NXPH1: variants seen among roughly 807,000 people sequenced by gnomAD.
NXPH1 encodes neurexophilin-1.
NXPH1 carries 5 observed loss-of-function variants against 23.7 expected under a neutral mutation model. The ratio of observed to expected loss-of-function variants is 0.21; its 90% confidence interval spans 0.11 to 0.44. The LOEUF is 0.44. NXPH1 is among the 20% of genes least tolerant of loss of function. The pLI is 0.99. For synonymous variants in NXPH1, 144 were observed against 122.2 expected (o/e 1.18, Z -1.18); for missense variants, 324 against 321.6 (o/e 1.01, Z -0.06).
In NXPH1 at chr7:8,461,843, A is replaced by AAAAAAAAAGAAAAAAG. The variant is rs1816702336; in HGVS notation, c.54+26087_54+26088insAAAAGAAAAAAAAGAA. The stretch of plus-strand genomic sequence containing the variant: ...CAGAGCGAGACTCCGTCTCAAAAAA[A>AAAAAAAAAGAAAAAAG]AAAAAAAAGAATAAACACACAAGTG... On this transcript the variant is annotated intron_variant, in intron 2 of 2. Coordinates refer to ENST00000405863, the MANE Select transcript of NXPH1 (RefSeq NM_152745.3). Among the ~76,000 whole-genome samples the AAAAAAAAAGAAAAAAG allele has an allele frequency of 4.9e-5, 6 of 121,452 alleles. 1 individual carries two copies. The highest frequency in any genetic ancestry group is 8.8e-5 in the Admixed American group (1 of 11,384). The allele number at this position is 121,452 out of a possible 152,430, so 79.7% of individuals were successfully genotyped here.
At chr7:8,482,559 T>C (rs1817092257) in intron 2 of NXPH1, among the ~76,000 whole-genome samples, 1 of 152,156 alleles carries the variant, frequency 6.6e-6, no homozygotes, top group South Asian at 2.1e-4. Context: ...CCTTTTTCTC[T>C]CTCTGGACTG....
At chr7:8,587,046 T>G (rs1291331002) in intron 2 of NXPH1, among the ~76,000 whole-genome samples, 2 of 152,156 alleles carry the variant, frequency 1.3e-5, no homozygotes, top group Non-Finnish European at 1.5e-5. Flanking sequence ...ATAAATTATA[T>G]TCTCTATTAT....
intron 2 of NXPH1, among the ~76,000 whole-genome samples, chr7:8,451,945 T>A (rs948008467): frequency 6.6e-6 from 1 of 152,226 alleles, no homozygotes; most frequent in South Asian, 2.1e-4. Flanking sequence ...GTATGTCTCA[T>A]GGAACATAGC....
chr7:8,551,303 C>T (rs1818271913), intron 2 of NXPH1, among the ~76,000 whole-genome samples: 1 of 151,402 alleles, frequency 6.6e-6, no homozygotes, highest in African/African-American at 2.4e-5. Context: ...GAAGTGTTTG[C>T]TACTGTATGT....
chr7:8,662,195 C>T (rs1430011003), intron 2 of NXPH1, among the ~76,000 whole-genome samples: 1 of 150,848 alleles, frequency 6.6e-6, no homozygotes, highest in African/African-American at 2.4e-5. Flanking sequence ...TATATACACA[C>T]ATATATATAT....
At chr7:8,747,371 C>T (rs563085493) in intron 2 of NXPH1, among the ~76,000 whole-genome samples, 1 of 152,288 alleles carries the variant, frequency 6.6e-6, no homozygotes, top group South Asian at 2.1e-4. Flanking sequence ...ATTGATTCTT[C>T]CTTCTTGAAA....
intron 2 of NXPH1, among the ~76,000 whole-genome samples, chr7:8,469,702 A>G (rs953734121): frequency 2.0e-5 from 3 of 152,144 alleles, no homozygotes; most frequent in African/African-American, 7.2e-5. Flanking sequence ...TGAAATGCAC[A>G]CTATGATGAG....
At chr7:8,569,441 G>T (rs1247756952) in intron 2 of NXPH1, among the ~76,000 whole-genome samples, 2 of 151,880 alleles carry the variant, frequency 1.3e-5, no homozygotes, top group Non-Finnish European at 2.9e-5. Context: ...TTTGTTAAGT[G>T]TGATAATCTT....
chr7:8,553,109 T>A (rs1818304507), intron 2 of NXPH1, among the ~76,000 whole-genome samples: 1 of 151,552 alleles, frequency 6.6e-6, no homozygotes, highest in Non-Finnish European at 1.5e-5. Flanking sequence ...AAGCAGTTTT[T>A]AGTGAAGCTG....
At chr7:8,456,777 C>A (rs1347297124) in intron 2 of NXPH1, among the ~76,000 whole-genome samples, 1 of 152,176 alleles carries the variant, frequency 6.6e-6, no homozygotes, top group Non-Finnish European at 1.5e-5. Flanking sequence ...ATGAGCCTTA[C>A]AGTTTAAGGC....
At chr7:8,578,410 T>C (rs2128623233) in intron 2 of NXPH1, among the ~76,000 whole-genome samples, 1 of 152,292 alleles carries the variant, frequency 6.6e-6, no homozygotes, top group South Asian at 2.1e-4. Flanking sequence ...CAAACAATAA[T>C]AAAGTTCAAC....
intron 2 of NXPH1, among the ~76,000 whole-genome samples, chr7:8,680,349 A>G (rs1821031598): frequency 6.6e-6 from 1 of 152,220 alleles, no homozygotes; most frequent in Admixed American, 6.5e-5. Flanking sequence ...TGGAAAATAC[A>G]TGGGCTGTGT....
At chr7:8,472,644 C>A (rs1320203941) in intron 2 of NXPH1, among the ~76,000 whole-genome samples, 2 of 152,130 alleles carry the variant, frequency 1.3e-5, no homozygotes, top group Admixed American at 1.3e-4. Flanking sequence ...ATACCACAAT[C>A]TGAGTTCCCT....
chr7:8,746,490 T>G (rs939084433), intron 2 of NXPH1, among the ~76,000 whole-genome samples: 13 of 152,192 alleles, frequency 8.5e-5, no homozygotes, highest in African/African-American at 3.1e-4. Context: ...TAACAAAGGA[T>G]GAGCATAATT....
At chr7:8,463,434 C>T (rs936320241) in intron 2 of NXPH1, among the ~76,000 whole-genome samples, 2 of 151,970 alleles carry the variant, frequency 1.3e-5, no homozygotes, top group South Asian at 2.1e-4. Context: ...TACACTCTTT[C>T]ATGTGCAGTT....
At chr7:8,632,294 T>A (rs1341302461) in intron 2 of NXPH1, among the ~76,000 whole-genome samples, 1 of 152,180 alleles carries the variant, frequency 6.6e-6, no homozygotes, top group Non-Finnish European at 1.5e-5. Context: ...TTAAAACATC[T>A]CATGGCTTTT....
chr7:8,640,848 T>C (rs6963207), intron 2 of NXPH1, among the ~76,000 whole-genome samples: 59,242 of 151,842 alleles, frequency 0.39, 12,822 homozygotes, highest in African/African-American at 0.59. Flanking sequence ...CAATGACTCA[T>C]GGGGCTGGGG....
intron 2 of NXPH1, among the ~76,000 whole-genome samples, chr7:8,582,201 G>A (rs531087081): frequency 1.3e-5 from 2 of 152,156 alleles, no homozygotes; most frequent in African/African-American, 4.8e-5. Flanking sequence ...TGTAGATGCC[G>A]GGAATCACAG....
chr7:8,592,826 C>CTTTTTT (rs536236220), intron 2 of NXPH1, among the ~76,000 whole-genome samples: 8 of 142,930 alleles, frequency 5.6e-5, no homozygotes, highest in African/African-American at 2.0e-4. Flanking sequence ...GTGAAATAGT[C>CTTTTTT]TTTTTTTTTT....
Sources: allele counts gnomAD v4.1 joint callset (sites outside exome capture counted in the v4.1 genomes callset), GRCh38; gene constraint gnomAD v4.1.1; transcripts MANE v1.5; gene names NCBI Gene and HGNC (gene_info 2026-07-23, HGNC 2026-07-21).